The following LDLRAD3 variants were observed in gnomAD, a reference collection of about 807,000 sequenced individuals.
LDLRAD3 encodes the protein low density lipoprotein receptor class A domain containing 3.
Under a neutral mutation model 29.4 loss-of-function variants are expected in LDLRAD3, and 20 were observed. That is an observed-to-expected ratio of 0.68 (90% CI 0.48 to 0.99). The LOEUF (loss-of-function observed/expected upper bound fraction) is 0.99, where lower values mean the gene tolerates loss of function less well. Among genes scored for constraint, LDLRAD3 ranks in the 50% least tolerant of loss-of-function variants. LDLRAD3 has a pLI of 0.00. For missense variants in LDLRAD3, 420 were observed against 454.3 expected, an observed-to-expected ratio of 0.92 and a Z score of 0.69; for synonymous variants, 157 against 192.7, an observed-to-expected ratio of 0.81 and a Z score of 1.53.
intron 1 of LDLRAD3, among the ~76,000 whole-genome samples, chr11:35,954,554 T>C (rs1166076676): frequency 6.6e-6 from 1 of 152,182 alleles, no homozygotes; most frequent in Non-Finnish European, 1.5e-5. Flanking sequence ...AAGACATGAC[T>C]ATGACTTTGA....
At chr11:36,104,477 G>A (rs1013237502) in intron 4 of LDLRAD3, among the ~76,000 whole-genome samples, 4 of 152,106 alleles carry the variant, frequency 2.6e-5, no homozygotes, top group African/African-American at 9.7e-5. Flanking sequence ...TACTTCTCAG[G>A]TGGGCTCCAA....
rs568470939 is a variant in LDLRAD3 at position 35,951,686 on chromosome 11, C to G, written c.46+7542C>G. 9.2e-5 allele frequency among the ~76,000 whole-genome samples: 14 copies of G among 152,212 alleles called. 1 individual carries two copies. The highest frequency in any genetic ancestry group is 7.2e-4 in the Admixed American group (11 of 15,288). On this transcript the variant is annotated intron_variant, in intron 1 of 5. Transcript: ENST00000315571. ...TCAAATTCATGCTGTTTCCCTGCCT[C>G]TTTGTGTATACACAAATGTGTTTAA... is the stretch of plus-strand genomic sequence containing the variant.
intron 3 of LDLRAD3, among the ~76,000 whole-genome samples, chr11:36,082,613 C>T (rs1422981069): frequency 1.4e-5 from 2 of 141,606 alleles, no homozygotes; most frequent in Admixed American, 6.8e-5. Context: ...TTGACTGTGA[C>T]CACCCTGATT....
chr11:35,950,947 G>A lies in LDLRAD3; in HGVS notation c.46+6803G>A, dbSNP rs187993557. Among the ~76,000 whole-genome samples, 5 of 152,140 alleles carry A rather than the reference G, an allele frequency of 3.3e-5. No homozygotes were observed. In the East Asian group the frequency reaches 9.7e-4, roughly 29 times the overall value. Reference sequence around the variant, plus strand: ...AAATGCAAAACGTTAGCCGGGAGTGGTGGCACGCACCTGTAATCCCAGCTA... The same window carrying A: ...AAATGCAAAACGTTAGCCGGGAGTGATGGCACGCACCTGTAATCCCAGCTA... On this transcript the variant is annotated intron_variant, in intron 1 of 5. Coordinates refer to ENST00000315571, the MANE Select transcript of LDLRAD3 (RefSeq NM_174902.4).
At chr11:36,028,456 C>A (rs1019037923) in intron 1 of LDLRAD3, among the ~76,000 whole-genome samples, 3 of 152,118 alleles carry the variant, frequency 2.0e-5, no homozygotes, top group African/African-American at 7.2e-5. Flanking sequence ...TTTACATAAG[C>A]CTGTAGTTGT....
At chr11:36,026,439 G>A (rs905877090) in intron 1 of LDLRAD3, among the ~76,000 whole-genome samples, 1 of 152,134 alleles carries the variant, frequency 6.6e-6, no homozygotes, top group Admixed American at 6.5e-5. Flanking sequence ...GGATTGGCTG[G>A]GTCAAAGTGT....
chr11:36,103,155 G>A (rs771587416), intron 4 of LDLRAD3, among the ~76,000 whole-genome samples: 22 of 151,704 alleles, frequency 1.5e-4, no homozygotes, highest in East Asian at 5.8e-4. Context: ...CCCAGGCCCC[G>A]GGCAGTCATC....
intron 1 of LDLRAD3, among the ~76,000 whole-genome samples, chr11:35,981,088 G>A (rs1851535382): frequency 6.6e-6 from 1 of 151,998 alleles, no homozygotes; most frequent in Non-Finnish European, 1.5e-5. Flanking sequence ...ATATAAGTAA[G>A]TTTCCCTTTG....
chr11:36,147,164 C>T (rs1269479284), intron 4 of LDLRAD3, among the ~76,000 whole-genome samples: 1 of 117,606 alleles, frequency 8.5e-6, no homozygotes, highest in Admixed American at 1.2e-4. Flanking sequence ...GTCATCCAGG[C>T]TGGAGTGCAG....
At chr11:36,056,061 T>C (rs995936035) in intron 2 of LDLRAD3, among the ~76,000 whole-genome samples, 6 of 143,738 alleles carry the variant, frequency 4.2e-5, no homozygotes, top group African/African-American at 1.6e-4. Context: ...AGTGGCATGA[T>C]CTCAGCTCAC....
intron 4 of LDLRAD3, among the ~76,000 whole-genome samples, chr11:36,128,175 G>T (rs1853870389): frequency 7.3e-6 from 1 of 137,276 alleles, no homozygotes; most frequent in Non-Finnish European, 1.6e-5. Context: ...AATGGGAACT[G>T]AAAGATGAAG....
At chr11:35,947,702 A>C (rs2942398) in intron 1 of LDLRAD3, among the ~76,000 whole-genome samples, 2,178 of 152,232 alleles carry the variant, frequency 0.014, 51 homozygotes, top group African/African-American at 0.051. Context: ...AGAGATTGAT[A>C]ATACCCAGGG....
At chr11:36,043,811 T>C (rs1241554007) in intron 2 of LDLRAD3, among the ~76,000 whole-genome samples, 1 of 152,178 alleles carries the variant, frequency 6.6e-6, no homozygotes, top group African/African-American at 2.4e-5. Flanking sequence ...CTGAAGGAGT[T>C]GAGCCTCAGA....
chr11:35,966,192 C>A (rs934006593), intron 1 of LDLRAD3, among the ~76,000 whole-genome samples: 2 of 152,122 alleles, frequency 1.3e-5, no homozygotes, highest in Admixed American at 1.3e-4. Flanking sequence ...CTTTGGGAGG[C>A]CGAGGTGGGT....
intron 1 of LDLRAD3, among the ~76,000 whole-genome samples, chr11:36,004,914 G>A (rs1370147123): frequency 6.6e-6 from 1 of 152,216 alleles, no homozygotes; most frequent in African/African-American, 2.4e-5. Flanking sequence ...AGCTGGAGCT[G>A]GAGTGGCTAG....
At chr11:36,155,237 T>C (rs183143525) in intron 4 of LDLRAD3, among the ~76,000 whole-genome samples, 112 of 152,340 alleles carry the variant, frequency 7.4e-4, no homozygotes, top group African/African-American at 2.3e-3. Flanking sequence ...TGTCAAGTAT[T>C]TTCTTTCTTC....
chr11:36,044,989 A>T (rs78539015), intron 2 of LDLRAD3, among the ~76,000 whole-genome samples: 3,024 of 152,256 alleles, frequency 0.02, 93 homozygotes, highest in African/African-American at 0.069. Flanking sequence ...CACCTTCACC[A>T]CACTGGCCTG....
intron 1 of LDLRAD3, among the ~76,000 whole-genome samples, chr11:35,958,665 G>GCAA (rs1370288381): frequency 6.6e-6 from 1 of 152,046 alleles, no homozygotes; most frequent in Non-Finnish European, 1.5e-5. Context: ...CCCAGCCTTG[G>GCAA]ATCTTCTTTT....
intron 4 of LDLRAD3, among the ~76,000 whole-genome samples, chr11:36,163,023 T>C (rs1854465257): frequency 1.3e-5 from 2 of 152,220 alleles, no homozygotes; most frequent in Non-Finnish European, 1.5e-5. Flanking sequence ...AAAGATCTGC[T>C]CACTGCCTTG....
Sources: gnomAD v4.1 joint callset for allele counts (sites outside exome capture counted in the v4.1 genomes callset) on GRCh38, gnomAD v4.1.1 for gene constraint, MANE v1.5 for transcripts, NCBI Gene and HGNC (gene_info 2026-07-23, HGNC 2026-07-21) for gene names.